The following SEMA3C variants were observed in gnomAD, a reference collection of about 807,000 sequenced individuals.
The protein encoded by SEMA3C is semaphorin-3C.
A neutral mutation model predicts 89.4 loss-of-function variants in SEMA3C; 47 were observed. The ratio of observed to expected loss-of-function variants is 0.53; its 90% CI spans 0.42 to 0.67. SEMA3C has a LOEUF of 0.67. Among genes scored for constraint, SEMA3C ranks in the 30% least tolerant of loss-of-function variants. SEMA3C has a pLI of 0.00. For synonymous variants in SEMA3C, 310 were observed against 320.2 expected, an observed-to-expected ratio of 0.97 and a Z score of 0.34; for missense variants, 839 against 929.1, an observed-to-expected ratio of 0.90 and a Z score of 1.26.
At chr7:80,883,979 T>C (rs766587492) in intron 2 of SEMA3C, among the ~76,000 whole-genome samples, 24 of 152,210 alleles carry the variant, frequency 1.6e-4, no homozygotes, top group Non-Finnish European at 3.1e-4. Flanking sequence ...TCCTAACATC[T>C]AGGGTTTAAG....
intron 12 of SEMA3C, among the ~76,000 whole-genome samples, chr7:80,773,804 G>A (rs1441723325): frequency 1.3e-5 from 2 of 152,192 alleles, no homozygotes; most frequent in Admixed American, 1.3e-4. Context: ...TGAGTCTCTG[G>A]TTGAGTCCTG....
At chr7:80,860,477 C>A (rs1476808348) in intron 2 of SEMA3C, among the ~76,000 whole-genome samples, 1 of 152,122 alleles carries the variant, frequency 6.6e-6, no homozygotes, top group African/African-American at 2.4e-5. Context: ...TAAAACACAG[C>A]GGCAATGTGG....
intron 2 of SEMA3C, among the ~76,000 whole-genome samples, chr7:80,882,051 C>G (rs1791356237): frequency 6.6e-6 from 1 of 152,172 alleles, no homozygotes; most frequent in Non-Finnish European, 1.5e-5. Flanking sequence ...TTTGCGCACA[C>G]AAGAAGTGCC....
At chr7:80,829,940 T>C (rs958638912) in intron 2 of SEMA3C, among the ~76,000 whole-genome samples, 1 of 152,190 alleles carries the variant, frequency 6.6e-6, no homozygotes, top group African/African-American at 2.4e-5. Context: ...TTTTTAGGCA[T>C]TGAATGACAA....
chr7:80,747,232 T>A (rs1460052293), intron 17 of SEMA3C, among the ~76,000 whole-genome samples: 1 of 152,110 alleles, frequency 6.6e-6, no homozygotes, highest in South Asian at 2.1e-4. Flanking sequence ...TGAGTCTCCA[T>A]ATTCTTGAGC....
intron 2 of SEMA3C, among the ~76,000 whole-genome samples, chr7:80,834,557 T>C (rs1790082577): frequency 6.6e-6 from 1 of 152,202 alleles, no homozygotes; most frequent in Non-Finnish European, 1.5e-5. Flanking sequence ...ACTATTCATA[T>C]AAGAACAAAC....
intron 4 of SEMA3C, among the ~76,000 whole-genome samples, chr7:80,818,848 A>G (rs770530174): frequency 2.0e-5 from 3 of 152,210 alleles, no homozygotes; most frequent in Non-Finnish European, 2.9e-5. Flanking sequence ...GAGAGTACTT[A>G]TCTAACTTGT....
chr7:80,897,161 T>C (rs1375597669), intron 2 of SEMA3C, among the ~76,000 whole-genome samples: 2 of 152,108 alleles, frequency 1.3e-5, no homozygotes, highest in Non-Finnish European at 2.9e-5. Flanking sequence ...ATTAGAAAAA[T>C]AAAGATCTAA....
intron 2 of SEMA3C, among the ~76,000 whole-genome samples, chr7:80,886,742 T>A (rs1295435072): frequency 6.6e-6 from 1 of 152,204 alleles, no homozygotes; most frequent in Non-Finnish European, 1.5e-5. Flanking sequence ...TTCAGATATC[T>A]AAGGAGTTAG....
intron 9 of SEMA3C, among the ~76,000 whole-genome samples, chr7:80,802,025 A>T (rs1583891029): frequency 1.3e-5 from 2 of 152,144 alleles, no homozygotes; most frequent in East Asian, 3.9e-4. Flanking sequence ...GGTGAAAGAA[A>T]AGTCATTTAC....
At chr7:80,892,977 G>T (rs188355247) in intron 2 of SEMA3C, among the ~76,000 whole-genome samples, 104 of 152,252 alleles carry the variant, frequency 6.8e-4, no homozygotes, top group African/African-American at 2.3e-3. Context: ...AGAAGCTAGG[G>T]ATTGTGTTAC....
At chr7:80,869,994 T>A (rs1055992421) in intron 2 of SEMA3C, among the ~76,000 whole-genome samples, 8 of 152,186 alleles carry the variant, frequency 5.3e-5, no homozygotes, top group Non-Finnish European at 1.2e-4. Flanking sequence ...GATCAAAAAC[T>A]TCATGCTCAA....
intron 2 of SEMA3C, among the ~76,000 whole-genome samples, chr7:80,864,099 G>C (rs975344660): frequency 1.3e-5 from 2 of 151,918 alleles, no homozygotes; most frequent in African/African-American, 4.8e-5. Context: ...GCAGCAACCT[G>C]GATGAGACTG....
rs149678378 is a variant in SEMA3C, at chr7:80,746,718, G to GGGGTGTGTGTGTGT, written c.1843-1412_1843-1411insACACACACACACCC. 1.9e-4 allele frequency among the ~76,000 whole-genome samples: 27 copies of GGGGTGTGTGTGTGT among 143,028 alleles called. No homozygotes were observed. In the East Asian group the frequency reaches 2.7e-3, roughly 14 times the overall value. 93.8% of individuals were successfully genotyped at this position (143,028 alleles called of 152,430 possible). On this transcript the variant is annotated intron_variant, in intron 17 of 17. Coordinates refer to ENST00000265361, the MANE Select transcript of SEMA3C (RefSeq NM_006379.5). ...ATCACATGTACTGATATTGAAGTGG[G>GGGGTGTGTGTGTGT]GTGTGTGTGTGTGTGTGTGTGTGTG...
At chr7:80,835,488 T>C (rs1790104760) in intron 2 of SEMA3C, among the ~76,000 whole-genome samples, 1 of 152,172 alleles carries the variant, frequency 6.6e-6, no homozygotes, top group African/African-American at 2.4e-5. Context: ...GAATGTCTTA[T>C]CTCAGAAGAA....
intron 4 of SEMA3C, among the ~76,000 whole-genome samples, chr7:80,826,512 CAG>C (rs1345068142): frequency 1.2e-4 from 18 of 152,014 alleles, no homozygotes; most frequent in Non-Finnish European, 2.5e-4. Context: ...TGACTGGAGT[CAG>C]AACTGTTTCT....
intron 2 of SEMA3C, among the ~76,000 whole-genome samples, chr7:80,850,029 G>A (rs1259520785): frequency 1.3e-5 from 2 of 151,994 alleles, no homozygotes; most frequent in African/African-American, 4.8e-5. Flanking sequence ...CCAACAAACT[G>A]AAAAGTGTTC....
At chr7:80,919,468 T>C (rs939136672), upstream of SEMA3C, 21 of 812,164 alleles carry the variant, frequency 2.6e-5, no homozygotes, top group Non-Finnish European at 3.1e-5. Context: ...AGTTGTGGTT[T>C]TTTATTTTTG....
At chr7:80,914,686 A>G (rs1159497018) in intron 2 of SEMA3C, among the ~76,000 whole-genome samples, 1 of 152,214 alleles carries the variant, frequency 6.6e-6, no homozygotes, top group Admixed American at 6.5e-5. Flanking sequence ...CCTGAGAAGA[A>G]CAAAATATCA....
Sources: gnomAD v4.1 joint callset for allele counts (sites outside exome capture counted in the v4.1 genomes callset) on GRCh38, gnomAD v4.1.1 for gene constraint, MANE v1.5 for transcripts, NCBI Gene and HGNC (gene_info 2026-07-23, HGNC 2026-07-21) for gene names.